Variants in SLC35F1 observed in about 807,000 individuals in gnomAD.
SLC35F1 encodes the protein solute carrier family 35 member F1.
SLC35F1 carries 14 observed loss-of-function variants against 48.7 expected under a neutral mutation model. The observed-to-expected ratio is 0.29, with a 90% CI of 0.19 to 0.45. SLC35F1 has a LOEUF of 0.45. Ranked by LOEUF, SLC35F1 falls within the 20% of genes least tolerant of loss-of-function variation. SLC35F1 has a pLI of 1.00. For missense variants in SLC35F1, 404 were observed against 500.0 expected, an observed-to-expected ratio of 0.81 and a Z score of 1.83; for synonymous variants, 190 against 202.2, an observed-to-expected ratio of 0.94 and a Z score of 0.51.
Position 118,244,135 on chromosome 6 carries a change from T to C in SLC35F1, c.477+8499T>C, listed in dbSNP as rs567854078. ...CCTGCATATCATCAGAGGAACACAG[T>C]AGAGCTATTGTCAATCTCTCTTTAG... On this transcript the variant is annotated intron_variant, in intron 3 of 7. Coordinates refer to ENST00000360388, the MANE Select transcript of SLC35F1 (RefSeq NM_001029858.4). 2.6e-5 allele frequency among the ~76,000 whole-genome samples: 4 copies of C among 152,358 alleles called. No homozygotes were observed. The South Asian group carries it at 8.3e-4, about 32-fold the overall frequency.
At chr6:118,071,126 C>CATAT (rs36158741) in intron 1 of SLC35F1, among the ~76,000 whole-genome samples, 1 of 77,040 alleles carries the variant, frequency 1.3e-5, no homozygotes, top group East Asian at 4.2e-4. Context: ...TACATATATA[C>CATAT]ATATATACAT....
chr6:118,218,864 T>C (rs963919923), intron 2 of SLC35F1, among the ~76,000 whole-genome samples: 2 of 152,240 alleles, frequency 1.3e-5, no homozygotes, highest in Admixed American at 6.5e-5. Flanking sequence ...AGTTAGATAC[T>C]ATTCAGAGAC....
At chr6:118,179,470 A>G (rs1774539823) in intron 2 of SLC35F1, among the ~76,000 whole-genome samples, 1 of 152,178 alleles carries the variant, frequency 6.6e-6, no homozygotes, top group Non-Finnish European at 1.5e-5. Flanking sequence ...CTGGGCTCTC[A>G]GCAGATTGGA....
chr6:118,305,366 T>C (rs1776300984), intron 7 of SLC35F1, among the ~76,000 whole-genome samples: 1 of 152,056 alleles, frequency 6.6e-6, no homozygotes, highest in Non-Finnish European at 1.5e-5. Context: ...AATCTCATTT[T>C]TAAAATACCT....
At chr6:118,221,254 T>C (rs1775143340) in intron 2 of SLC35F1, among the ~76,000 whole-genome samples, 1 of 152,098 alleles carries the variant, frequency 6.6e-6, no homozygotes, top group African/African-American at 2.4e-5. Flanking sequence ...GGTCCAAGCA[T>C]AGATCGCTTT....
intron 2 of SLC35F1, among the ~76,000 whole-genome samples, chr6:118,223,756 G>C (rs544154739): frequency 6.6e-6 from 1 of 152,312 alleles, no homozygotes; most frequent in East Asian, 1.9e-4. Context: ...TCCCATGTTG[G>C]TTCTAACCTA....
chr6:118,156,300 C>G (rs1048225882), intron 2 of SLC35F1, among the ~76,000 whole-genome samples: 2 of 151,942 alleles, frequency 1.3e-5, no homozygotes, highest in Non-Finnish European at 2.9e-5. Context: ...TATGAGTGAC[C>G]GTGGCCCCTA....
At chr6:118,190,581 T>C (rs1774718716) in intron 2 of SLC35F1, among the ~76,000 whole-genome samples, 1 of 152,214 alleles carries the variant, frequency 6.6e-6, no homozygotes, top group Non-Finnish European at 1.5e-5. Flanking sequence ...GGTATCCTCA[T>C]GGTCACACAT....
intron 2 of SLC35F1, among the ~76,000 whole-genome samples, chr6:118,171,118 C>A (rs938275088): frequency 6.6e-6 from 1 of 151,894 alleles, no homozygotes; most frequent in Non-Finnish European, 1.5e-5. Flanking sequence ...CTCACTGCAC[C>A]CTTGACCTCC....
intron 1 of SLC35F1, among the ~76,000 whole-genome samples, chr6:117,964,626 G>T (rs539074280): frequency 1.3e-5 from 2 of 152,324 alleles, no homozygotes; most frequent in African/African-American, 4.8e-5. Context: ...TGCCTCTCCT[G>T]TAGAGCAGAG....
chr6:118,244,235 G>A (rs1409678709), intron 3 of SLC35F1, among the ~76,000 whole-genome samples: 4 of 152,228 alleles, frequency 2.6e-5, no homozygotes, highest in Non-Finnish European at 5.9e-5. Context: ...AGGTGATGCA[G>A]GACAGGTGAG....
intron 5 of SLC35F1, 70 bp downstream of exon 5, chr6:118,275,685 T>C (rs906080760): frequency 5.4e-6 from 8 of 1,491,724 alleles, no homozygotes; most frequent in African/African-American, 1.4e-5. Context: ...ATTTTTGTTC[T>C]TGGGATGTAA....
At chr6:118,143,748 G>A (rs969472947) in intron 1 of SLC35F1, among the ~76,000 whole-genome samples, 9 of 151,900 alleles carry the variant, frequency 5.9e-5, no homozygotes, top group Non-Finnish European at 1.3e-4. Flanking sequence ...TCTGAATATC[G>A]ACCATGAGGT....
intron 1 of SLC35F1, among the ~76,000 whole-genome samples, chr6:118,094,531 A>G (rs1322663405): frequency 6.6e-6 from 1 of 152,186 alleles, no homozygotes; most frequent in Non-Finnish European, 1.5e-5. Context: ...AATAGACAGA[A>G]GAGAAGTCAA....
rs147940941 is a variant in SLC35F1, at chr6:118,154,538, C to T, written c.267C>T (p.His89=). 6.4e-5 allele frequency: 103 copies of T among 1,613,924 alleles called. No homozygotes were observed. Among genetic ancestry groups the T allele is most frequent in the African/African-American group, 2.7e-4 (20 of 74,910 alleles). ...LTSKYLSEDF[H]ANTPVFQSFL... ...GCAAGTATCTGTCAGAAGATTTCCA[C>T]GCCAACACACCAGTCTTCCAGAGTT... The change falls in exon 2 of 8, where the codon CAC becomes CAT. Residue 89 remains histidine (H), a synonymous_variant. Coordinates refer to ENST00000360388, the MANE Select transcript of SLC35F1 (RefSeq NM_001029858.4).
intron 6 of SLC35F1, among the ~76,000 whole-genome samples, chr6:118,282,516 T>C (rs1454880188): frequency 1.3e-5 from 2 of 152,240 alleles, no homozygotes; most frequent in African/African-American, 2.4e-5. Context: ...TACTCTCCTT[T>C]GCTCACCAAC....
At chr6:118,059,974 G>T (rs976076644) in intron 1 of SLC35F1, among the ~76,000 whole-genome samples, 6 of 152,156 alleles carry the variant, frequency 3.9e-5, no homozygotes, top group African/African-American at 9.7e-5. Context: ...AAATAAGCAT[G>T]GTTTGTATCT....
intron 6 of SLC35F1, among the ~76,000 whole-genome samples, chr6:118,278,170 T>C (rs953560656): frequency 1.3e-5 from 2 of 152,210 alleles, no homozygotes; most frequent in Admixed American, 6.5e-5. Flanking sequence ...GGATTTAAGA[T>C]CCTAGGACAT....
chr6:117,928,012 C>T (rs1562240557), intron 1 of SLC35F1, among the ~76,000 whole-genome samples: 1 of 152,128 alleles, frequency 6.6e-6, no homozygotes, highest in Non-Finnish European at 1.5e-5. Context: ...GGTGTTGCAG[C>T]TTTTAAAAGG....
Sources: allele counts gnomAD v4.1 joint callset (sites outside exome capture counted in the v4.1 genomes callset), GRCh38; gene constraint gnomAD v4.1.1; transcripts MANE v1.5; gene names NCBI Gene and HGNC (gene_info 2026-07-23, HGNC 2026-07-21).